Variants in RIPOR3 observed in about 807,000 individuals in gnomAD.
RIPOR3 encodes the protein family with sequence similarity 65 member C.
A neutral mutation model predicts 114.3 loss-of-function variants in RIPOR3; 95 were observed. That is an observed-to-expected ratio of 0.83 (90% CI 0.70 to 0.99). The LOEUF is 0.99. RIPOR3 is among the 50% of genes least tolerant of loss of function. RIPOR3 has a pLI of 0.00. For missense variants in RIPOR3, 1,252 were observed against 1,266.9 expected, an observed-to-expected ratio of 0.99 and a Z score of 0.18; for synonymous variants, 575 against 543.8, an observed-to-expected ratio of 1.06 and a Z score of -0.80.
chr20:50,598,155 C>G (rs573834922), intron 13 of RIPOR3, among the ~76,000 whole-genome samples: 1 of 152,190 alleles, frequency 6.6e-6, no homozygotes, highest in Non-Finnish European at 1.5e-5. Flanking sequence ...ATACCAACAA[C>G]AAATTTCAAA....
chr20:50,657,419 T>C (rs66552958), intron 1 of RIPOR3, among the ~76,000 whole-genome samples: 18,560 of 152,070 alleles, frequency 0.12, 1,252 homozygotes, highest in East Asian at 0.2. Context: ...CCCAGCTACT[T>C]GGGAGGCTGA....
chr20:50,631,011 A>AGGTCCCATGAGGTTAGG (rs1383668876), intron 1 of RIPOR3, among the ~76,000 whole-genome samples, 155 bp from the exon 2 acceptor site: 1 of 152,144 alleles, frequency 6.6e-6, no homozygotes, highest in Non-Finnish European at 1.5e-5. Flanking sequence ...CAGCAAGCTG[A>AGGTCCCATGAGGTTAGG]GGTCCCATGA....
intron 19 of RIPOR3, 142 bp from the exon 20 acceptor site, chr20:50,589,911 A>G: frequency 1.5e-6 from 1 of 686,288 alleles, no homozygotes; most frequent in Non-Finnish European, 2.6e-6. Context: ...CGATCGGTCC[A>G]TCTTTGGGCC....
chr20:50,592,795 C>A (rs2083155933), intron 18 of RIPOR3, among the ~76,000 whole-genome samples: 1 of 152,220 alleles, frequency 6.6e-6, no homozygotes, highest in Admixed American at 6.5e-5. Context: ...GGGACTCTGG[C>A]CAGCCAAGAT....
Position 50,630,802 on chromosome 20 carries a change from C to A in RIPOR3, c.58G>T (p.Val20Leu). Reference sequence around the variant, plus strand: ...GAGGCGCTCCGGCCCACGACCCCCACGGCCCCTGTGTCCCCAGGGGACAGG... The same window carrying A: ...GAGGCGCTCCGGCCCACGACCCCCAAGGCCCCTGTGTCCCCAGGGGACAGG... ...RFLSPGDTGA[V>L]GVVGRSASFA... is the part of the protein sequence containing the mutation. Residue 20 changes from valine (V) to leucine (L), a missense_variant, in exon 2 of 22, where the codon GTG becomes TTG. Physicochemically the swap from Val to Leu is conservative, Grantham distance 32. Coordinates refer to ENST00000327979, the MANE Select transcript of RIPOR3 (RefSeq NM_001290268.2). The A allele has an allele frequency of 6.2e-7, 1 of 1,612,060 alleles. No individual in the cohort carries two copies. The highest frequency in any genetic ancestry group is 8.5e-7 in the Non-Finnish European group (1 of 1,179,480).
intron 2 of RIPOR3, among the ~76,000 whole-genome samples, chr20:50,627,840 G>A (rs576076995): frequency 3.9e-5 from 6 of 152,190 alleles, no homozygotes; most frequent in Non-Finnish European, 8.8e-5. Context: ...TTCAATCAAA[G>A]TACAGAGCAC....
At position 50,609,685 on chromosome 20, in the gene RIPOR3, C is replaced by T. The variant is rs778220349; in HGVS notation, c.464G>A (p.Arg155His). ...ELYEDYCIQC[R>H]LRDGASSMQR... is the part of the protein sequence containing the mutation. ...CATGCTGGAGGCGCCGTCGCGCAGGCGGCACTGGATGCAGTAGTCCTCGTA... is the reference window on the plus strand; with the variant it reads ...CATGCTGGAGGCGCCGTCGCGCAGGTGGCACTGGATGCAGTAGTCCTCGTA... Residue 155 changes from arginine (R) to histidine (H), a missense_variant, in exon 7 of 22, where the codon CGC becomes CAC. Physicochemically the swap from Arg to His is conservative, Grantham distance 29 (BLOSUM62 0). Transcript: ENST00000327979. 5.0e-6 allele frequency: 7 copies of T among 1,392,076 alleles called. No individual in the cohort carries two copies. Among genetic ancestry groups the T allele is most frequent in the African/African-American group, 3.0e-5 (2 of 65,716 alleles). 86.2% of individuals were successfully genotyped at this position (1,392,076 alleles called of 1,614,324 possible).
intron 21 of RIPOR3, 96 bp downstream of exon 21, chr20:50,587,706 G>A (rs1222119468): frequency 2.5e-6 from 3 of 1,220,274 alleles, no homozygotes; most frequent in African/African-American, 3.0e-5. Flanking sequence ...GTGCCCCAGA[G>A]TTGTTCTGCC....
intron 11 of RIPOR3, among the ~76,000 whole-genome samples, chr20:50,607,118 A>G (rs2083751873): frequency 6.6e-6 from 1 of 152,200 alleles, no homozygotes; most frequent in Admixed American, 6.5e-5. Flanking sequence ...GTCTTTGTTC[A>G]AAATGCCAGG....
intron 1 of RIPOR3, among the ~76,000 whole-genome samples, chr20:50,677,533 G>C (rs1182248994): frequency 2.0e-5 from 3 of 151,226 alleles, no homozygotes; most frequent in African/African-American, 7.3e-5. Flanking sequence ...CACCACACCT[G>C]GCTAATTTTT....
At chr20:50,588,545 G>T (rs575596201) in intron 20 of RIPOR3, among the ~76,000 whole-genome samples, 1 of 152,246 alleles carries the variant, frequency 6.6e-6, no homozygotes, top group African/African-American at 2.4e-5. Context: ...TCTCAAAAAT[G>T]CTCATATTCT....
At chr20:50,619,942 T>C (rs768067316) in intron 3 of RIPOR3, 44 bp downstream of exon 3, 2 of 1,584,650 alleles carry the variant, frequency 1.3e-6, no homozygotes, top group Middle Eastern at 1.7e-4. Flanking sequence ...GGAGGCGAGG[T>C]AGAGGAATGC....
intron 2 of RIPOR3, chr20:50,620,675 A>G (rs2084367333): frequency 5.1e-6 from 1 of 197,006 alleles, no homozygotes; most frequent in African/African-American, 2.4e-5. Flanking sequence ...AAATAAATAA[A>G]TAAAAATAAG....
chr20:50,636,314 G>T (rs1253291669), intron 1 of RIPOR3, among the ~76,000 whole-genome samples: 1 of 152,192 alleles, frequency 6.6e-6, no homozygotes, highest in Admixed American at 6.5e-5. Context: ...GCAAATGGAG[G>T]CTGGGTGCTG....
intron 1 of RIPOR3, among the ~76,000 whole-genome samples, chr20:50,665,317 T>C (rs767314695): frequency 7.4e-5 from 11 of 149,650 alleles, no homozygotes; most frequent in Non-Finnish European, 1.3e-4. Context: ...CGTGGTGATG[T>C]GTGACTGTGG....
At chr20:50,688,078 T>G (rs961109899) in intron 1 of RIPOR3, among the ~76,000 whole-genome samples, 8 of 152,230 alleles carry the variant, frequency 5.3e-5, no homozygotes, top group African/African-American at 1.9e-4. Flanking sequence ...TGGTTACAAT[T>G]GATGAAGGAG....
At chr20:50,605,976 G>A (rs2083698004) in intron 11 of RIPOR3, among the ~76,000 whole-genome samples, 2 of 152,134 alleles carry the variant, frequency 1.3e-5, no homozygotes, top group Non-Finnish European at 2.9e-5. Flanking sequence ...GGCCAAGGTG[G>A]GTGGATCGCC....
In RIPOR3 at chr20:50,608,469, G is replaced by A. The variant is rs774791611; in HGVS notation, c.876C>T (p.Phe292=). Reference sequence around the variant, plus strand: ...CGATGACCTGCGGCCGCGTCGTGAAGAAGTCGGCGATGTCACACGTCACTG... The same window carrying A: ...CGATGACCTGCGGCCGCGTCGTGAAAAAGTCGGCGATGTCACACGTCACTG... ...VGAVTCDIAD[F]FTTRPQVIVV... is the part of the protein sequence containing the mutation. The change falls in exon 11 of 22, where the codon TTC becomes TTT. Residue 292 remains phenylalanine, a synonymous_variant. Coordinates refer to ENST00000327979, the MANE Select transcript of RIPOR3 (RefSeq NM_001290268.2). 5.6e-6 allele frequency: 9 copies of A among 1,613,986 alleles called. No homozygotes were observed. The South Asian group carries it at 7.7e-5, about 14-fold the overall frequency.
chr20:50,595,418 A>G lies in RIPOR3; in HGVS notation c.2001T>C (p.Leu667=), dbSNP rs770592747. Residue 667 remains leucine (L), a synonymous_variant, in exon 16 of 22, where the codon CTT becomes CTC. Transcript: ENST00000327979. ...VAQQKHVLET[L]SVLDFEKVGK... ...CGACCTTCTCAAAGTCAAGGACAGA[A>G]AGTGTCTCCAGAACGTGCTTTTGCT... The G allele has an allele frequency of 6.2e-7, 1 of 1,614,124 alleles. No individual in the cohort carries two copies. The highest frequency in any genetic ancestry group is 8.5e-7 in the Non-Finnish European group (1 of 1,180,008).
Sources: allele counts gnomAD v4.1 joint callset (sites outside exome capture counted in the v4.1 genomes callset), GRCh38; gene constraint gnomAD v4.1.1; transcripts MANE v1.5; gene names NCBI Gene and HGNC (gene_info 2026-07-23, HGNC 2026-07-21).